The following PTCSC3 variants were observed in gnomAD, a reference collection of about 807,000 sequenced individuals.
The protein encoded by PTCSC3 is papillary thyroid carcinoma susceptibility candidate 3.
chr14:36,155,581 G>T (rs1319377432), intron 2 of PTCSC3, among the ~76,000 whole-genome samples: 3 of 152,050 alleles, frequency 2.0e-5, no homozygotes, highest in Non-Finnish European at 4.4e-5. Flanking sequence ...TGACACAAGA[G>T]TAAATGATAC....
At chr14:36,152,597 GACA>G (rs1343861865) in intron 3 of PTCSC3, among the ~76,000 whole-genome samples, 5 of 152,152 alleles carry the variant, frequency 3.3e-5, no homozygotes, top group Admixed American at 1.3e-4. Flanking sequence ...TGAGAACTAC[GACA>G]ACAACAACAA....
chr14:36,147,526 G>A (rs1247351825), intron 3 of PTCSC3, among the ~76,000 whole-genome samples: 3 of 152,022 alleles, frequency 2.0e-5, no homozygotes, highest in Non-Finnish European at 4.4e-5. Flanking sequence ...GCTCCTTTAA[G>A]CACTTCTCTG....
chr14:36,140,781 T>C (rs1188613746), intron 3 of PTCSC3, among the ~76,000 whole-genome samples: 2 of 152,178 alleles, frequency 1.3e-5, no homozygotes, highest in African/African-American at 4.8e-5. Flanking sequence ...GATTGTACCT[T>C]TGATGTTCTA....
chr14:36,167,537 C>T (rs988397471), intron 1 of PTCSC3, among the ~76,000 whole-genome samples: 2 of 152,130 alleles, frequency 1.3e-5, no homozygotes, highest in African/African-American at 4.8e-5. Flanking sequence ...AATGTGGTCT[C>T]ATTATACAAC....
At chr14:36,159,181 T>TTAA (rs552993473) in intron 2 of PTCSC3, among the ~76,000 whole-genome samples, 11 of 146,454 alleles carry the variant, frequency 7.5e-5, no homozygotes, top group African/African-American at 2.5e-4. Flanking sequence ...TGTTGATCTT[T>TTAA]AAAAAAAAAA....
intron 3 of PTCSC3, among the ~76,000 whole-genome samples, chr14:36,146,683 G>A (rs1566504105): frequency 6.6e-6 from 1 of 152,180 alleles, no homozygotes; most frequent in African/African-American, 2.4e-5. Flanking sequence ...ATATTGTTAT[G>A]TGTGAATTTG....
At chr14:36,155,804 T>TTA (rs975010115) in intron 2 of PTCSC3, among the ~76,000 whole-genome samples, 12 of 152,162 alleles carry the variant, frequency 7.9e-5, no homozygotes, top group South Asian at 2.1e-4. Flanking sequence ...TGAAAGGGAT[T>TTA]TATATATATA....
chr14:36,151,526 C>T (rs528425301), intron 3 of PTCSC3, among the ~76,000 whole-genome samples: 18 of 151,652 alleles, frequency 1.2e-4, no homozygotes, highest in African/African-American at 3.9e-4. Context: ...TACCTTTTGT[C>T]TTGTCCCACA....
intron 2 of PTCSC3, among the ~76,000 whole-genome samples, chr14:36,156,228 C>A (rs1043743763): frequency 1.3e-5 from 2 of 152,150 alleles, no homozygotes; most frequent in Admixed American, 6.5e-5. Context: ...TTTTATGTTT[C>A]CTCAGTGACT....
chr14:36,157,365 TG>T (rs1332271232), intron 2 of PTCSC3, among the ~76,000 whole-genome samples: 1 of 152,202 alleles, frequency 6.6e-6, no homozygotes, highest in Non-Finnish European at 1.5e-5. Flanking sequence ...TTCACTCTGA[TG>T]GTAGTTTCTT....
intron 3 of PTCSC3, among the ~76,000 whole-genome samples, chr14:36,153,368 C>T (rs963721587): frequency 6.6e-6 from 1 of 152,182 alleles, no homozygotes; most frequent in African/African-American, 2.4e-5. Context: ...CCTATGAAAA[C>T]ATTAGCCGTG....
chr14:36,142,688 G>C (rs1447685062), intron 3 of PTCSC3, among the ~76,000 whole-genome samples: 10 of 151,252 alleles, frequency 6.6e-5, no homozygotes, highest in Non-Finnish European at 7.4e-5. Context: ...TTAAGTTTTA[G>C]GGTACATGTG....
intron 1 of PTCSC3, among the ~76,000 whole-genome samples, chr14:36,171,029 A>G (rs1239089914): frequency 6.6e-6 from 1 of 152,234 alleles, no homozygotes; most frequent in Non-Finnish European, 1.5e-5. Context: ...TTTCAACTAC[A>G]TAAATAAATT....
intron 3 of PTCSC3, among the ~76,000 whole-genome samples, chr14:36,146,656 G>C (rs1252551073): frequency 3.3e-5 from 5 of 151,644 alleles, no homozygotes; most frequent in Admixed American, 2.6e-4. Flanking sequence ...CATTTAGTCC[G>C]TTTACATTTA....
intron 3 of PTCSC3, among the ~76,000 whole-genome samples, chr14:36,151,689 G>A (rs1881728306): frequency 6.6e-6 from 1 of 152,116 alleles, no homozygotes; most frequent in South Asian, 2.1e-4. Flanking sequence ...CTATGCTTAT[G>A]TGAGACTGAA....
At chr14:36,138,829 A>G (rs915578310) in intron 3 of PTCSC3, among the ~76,000 whole-genome samples, 47 of 152,310 alleles carry the variant, frequency 3.1e-4, no homozygotes, top group African/African-American at 1.1e-3. Flanking sequence ...AAAGAAATGC[A>G]TATATGTGGC....
intron 3 of PTCSC3, among the ~76,000 whole-genome samples, chr14:36,151,667 C>A (rs956837558): frequency 6.6e-6 from 1 of 152,086 alleles, no homozygotes; most frequent in South Asian, 2.1e-4. Context: ...AAGTTCTTAG[C>A]CTTTTTCTCC....
chr14:36,171,876 T>C (rs1417845900), intron 1 of PTCSC3, among the ~76,000 whole-genome samples: 19 of 152,022 alleles, frequency 1.2e-4, no homozygotes, highest in Admixed American at 1.2e-3. Flanking sequence ...TATTAGCAAA[T>C]GTGGGGTGTA....
chr14:36,143,988 T>C (rs1452999822), intron 3 of PTCSC3, among the ~76,000 whole-genome samples: 1 of 152,226 alleles, frequency 6.6e-6, no homozygotes, highest in African/African-American at 2.4e-5. Flanking sequence ...GCGTTACTTC[T>C]GAGGGCTCTG....
Sources: allele counts gnomAD v4.1 joint callset (sites outside exome capture counted in the v4.1 genomes callset), GRCh38; gene constraint gnomAD v4.1.1; transcripts MANE v1.5; gene names NCBI Gene and HGNC (gene_info 2026-07-23, HGNC 2026-07-21).